The following PLD1 variants were observed in gnomAD, a reference collection of about 807,000 sequenced individuals.
PLD1 encodes phospholipase D1, also known as choline phosphatase 1.
PLD1 carries 112 observed loss-of-function variants against 137.1 expected under a neutral mutation model. That is an observed-to-expected ratio of 0.82 (90% CI 0.70 to 0.96). The LOEUF is 0.96. Among genes scored for constraint, PLD1 ranks in the 40% least tolerant of loss-of-function variants. PLD1 has a pLI of 0.00. For synonymous variants in PLD1, 431 were observed against 454.7 expected (o/e 0.95, Z 0.66); for missense variants, 1,321 against 1,342.0 (o/e 0.98, Z 0.24).
At chr3:171,721,856 C>A (rs1347648106) in intron 8 of PLD1, among the ~76,000 whole-genome samples, 2 of 151,040 alleles carry the variant, frequency 1.3e-5, no homozygotes, top group East Asian at 1.9e-4. Context: ...ATCTTCTGAT[C>A]TTTTCCTTGT....
intron 24 of PLD1, among the ~76,000 whole-genome samples, chr3:171,618,773 G>GAA (rs1578114671): frequency 6.8e-6 from 1 of 147,104 alleles, no homozygotes; most frequent in East Asian, 2.0e-4. Flanking sequence ...ACCATACTGT[G>GAA]GTTTACACAG....
chr3:171,752,408 AT>A (rs1318399471), intron 1 of PLD1, among the ~76,000 whole-genome samples: 1 of 152,144 alleles, frequency 6.6e-6, no homozygotes, highest in Non-Finnish European at 1.5e-5. Flanking sequence ...CAAATCTGAC[AT>A]TTTTTCTGGC....
chr3:171,606,423 G>C (rs1481098280), intron 25 of PLD1, among the ~76,000 whole-genome samples: 1 of 152,188 alleles, frequency 6.6e-6, no homozygotes, highest in South Asian at 2.1e-4. Flanking sequence ...ATATAAATCT[G>C]AGAATTGTCC....
intron 10 of PLD1, 116 bp downstream of exon 10, chr3:171,709,444 G>C (rs913837588): frequency 2.7e-6 from 2 of 749,374 alleles, no homozygotes; most frequent in Admixed American, 5.6e-5. Flanking sequence ...AGAAGCCCTT[G>C]TTAAGTATAA....
chr3:171,611,279 G>A (rs1436683449), intron 25 of PLD1, among the ~76,000 whole-genome samples: 2 of 152,164 alleles, frequency 1.3e-5, no homozygotes, highest in Non-Finnish European at 2.9e-5. Flanking sequence ...ACAGCCGGTG[G>A]GGAAATGAGT....
intron 17 of PLD1, 27 bp downstream of exon 17, chr3:171,677,539 C>T (rs377222405): frequency 1.2e-4 from 185 of 1,606,826 alleles, no homozygotes; most frequent in Non-Finnish European, 1.4e-4. Context: ...CAAAATATAA[C>T]CAGCACCCCA....
rs139135798 is a variant in PLD1, at chr3:171,618,858, C to CGTGT, written c.2728+1524_2728+1527dup. ...TATACAAATATTAAAAGTGTGTGTGCGTGTGTGTGTGTGTGTGTGTATGTA... is the reference window on the plus strand; with the variant it reads ...TATACAAATATTAAAAGTGTGTGTGCGTGTGTGTGTGTGTGTGTGTGTGTATGTA... On this transcript the variant is annotated intron_variant, in intron 24 of 26. Transcript: ENST00000351298. Among the ~76,000 whole-genome samples the CGTGT allele has an allele frequency of 2.2e-3, 305 of 135,592 alleles. 5 individuals carry two copies. Among genetic ancestry groups the CGTGT allele is most frequent in the South Asian group, 0.013 (52 of 3,940 alleles). The allele number at this position is 135,592 out of a possible 152,430, so 89.0% of individuals were successfully genotyped here. A position where few individuals can be genotyped will look rare whatever the true frequency, so the allele number is the denominator to read the frequency against.
At chr3:171,770,012 T>C (rs1221138913) in intron 1 of PLD1, among the ~76,000 whole-genome samples, 1 of 152,200 alleles carries the variant, frequency 6.6e-6, no homozygotes, top group Non-Finnish European at 1.5e-5. Flanking sequence ...ACTACTCCTA[T>C]AGAACAATTT....
chr3:171,633,745 T>C (rs747795948), intron 23 of PLD1, among the ~76,000 whole-genome samples: 2 of 152,220 alleles, frequency 1.3e-5, no homozygotes, highest in Non-Finnish European at 2.9e-5. Flanking sequence ...ACTTAGTATA[T>C]GTACGTATCT....
At chr3:171,621,693 C>T (rs574135790) in intron 23 of PLD1, among the ~76,000 whole-genome samples, 2 of 152,228 alleles carry the variant, frequency 1.3e-5, no homozygotes, top group Admixed American at 1.3e-4. Context: ...TATACTAGTA[C>T]ACCATGTGTA....
At chr3:171,802,311 C>A (rs1723680580) in intron 1 of PLD1, among the ~76,000 whole-genome samples, 1 of 152,104 alleles carries the variant, frequency 6.6e-6, no homozygotes, top group African/African-American at 2.4e-5. Context: ...TGAATCCTAG[C>A]ATGAAAATAA....
chr3:171,690,158 G>A (rs9860213), intron 13 of PLD1, among the ~76,000 whole-genome samples: 61,596 of 151,924 alleles, frequency 0.41, 12,796 homozygotes, highest in Non-Finnish European at 0.43. Flanking sequence ...TTATCGAATT[G>A]CTTACAGTAA....
chr3:171,697,698 C>T (rs1715880493), intron 12 of PLD1, among the ~76,000 whole-genome samples: 1 of 152,190 alleles, frequency 6.6e-6, no homozygotes, highest in African/African-American at 2.4e-5. Context: ...GTTCTTCTTT[C>T]CCTTTTAAAA....
At chr3:171,773,367 G>A (rs928418362) in intron 1 of PLD1, among the ~76,000 whole-genome samples, 1 of 152,166 alleles carries the variant, frequency 6.6e-6, no homozygotes, top group Non-Finnish European at 1.5e-5. Flanking sequence ...GCCGAGGCGG[G>A]TGGATCACGA....
At chr3:171,660,359 G>A (rs1410487341) in intron 20 of PLD1, among the ~76,000 whole-genome samples, 1 of 152,144 alleles carries the variant, frequency 6.6e-6, no homozygotes, top group Non-Finnish European at 1.5e-5. Flanking sequence ...ACCAAACCAT[G>A]TTTCTTTTTC....
At chr3:171,712,073 G>A (rs771442857) in intron 9 of PLD1, among the ~76,000 whole-genome samples, 5 of 152,278 alleles carry the variant, frequency 3.3e-5, no homozygotes, top group South Asian at 2.1e-4. Flanking sequence ...CTGATGAGAC[G>A]CAGGGAAGGG....
intron 1 of PLD1, among the ~76,000 whole-genome samples, chr3:171,756,660 A>C (rs1397370606): frequency 2.0e-5 from 3 of 152,258 alleles, no homozygotes; most frequent in Non-Finnish European, 4.4e-5. Context: ...TATAAAGTGA[A>C]TAAAAACATA....
At chr3:171,677,255 G>A (rs907927831) in intron 17 of PLD1, among the ~76,000 whole-genome samples, 8 of 152,100 alleles carry the variant, frequency 5.3e-5, no homozygotes, top group African/African-American at 1.9e-4. Flanking sequence ...GAAATAAGCA[G>A]AATAGAAGAT....
chr3:171,669,705 G>A (rs1027669016), intron 19 of PLD1, among the ~76,000 whole-genome samples: 2 of 152,208 alleles, frequency 1.3e-5, no homozygotes, highest in Non-Finnish European at 2.9e-5. Context: ...CCAGCCTGTT[G>A]CAAACTTTTG....
Sources: allele counts gnomAD v4.1 joint callset (sites outside exome capture counted in the v4.1 genomes callset), GRCh38; gene constraint gnomAD v4.1.1; transcripts MANE v1.5; gene names NCBI Gene and HGNC (gene_info 2026-07-23, HGNC 2026-07-21).